The following ZDHHC14 variants were observed in gnomAD, a reference collection of about 807,000 sequenced individuals.
ZDHHC14 encodes palmitoyltransferase ZDHHC14.
Under a neutral mutation model 47.7 loss-of-function variants are expected in ZDHHC14, and 16 were observed. That is an observed-to-expected ratio of 0.34 (90% CI 0.23 to 0.51). The LOEUF (loss-of-function observed/expected upper bound fraction) is 0.51, where lower values mean the gene tolerates loss of function less well. Among genes scored for constraint, ZDHHC14 ranks in the 20% least tolerant of loss-of-function variants. The pLI, the probability that ZDHHC14 is intolerant of heterozygous loss-of-function variation, is 0.97. For missense variants in ZDHHC14, 515 were observed against 662.5 expected, an observed-to-expected ratio of 0.78 and a Z score of 2.44; for synonymous variants, 293 against 278.9, an observed-to-expected ratio of 1.05 and a Z score of -0.50.
intron 1 of ZDHHC14, among the ~76,000 whole-genome samples, chr6:157,493,577 G>A (rs1459595328): frequency 6.6e-6 from 1 of 152,262 alleles, no homozygotes; most frequent in Non-Finnish European, 1.5e-5. Flanking sequence ...CAGGCCCACT[G>A]CTGTGAGAGG....
intron 1 of ZDHHC14, among the ~76,000 whole-genome samples, chr6:157,456,852 A>G (rs930377422): frequency 9.2e-5 from 14 of 152,110 alleles, no homozygotes; most frequent in African/African-American, 3.1e-4. Flanking sequence ...TGCTGGTACA[A>G]AGACTGAGTT....
intron 1 of ZDHHC14, among the ~76,000 whole-genome samples, chr6:157,426,993 A>C (rs1265585877): frequency 6.6e-6 from 1 of 152,200 alleles, no homozygotes; most frequent in African/African-American, 2.4e-5. Flanking sequence ...GGAGAACTTA[A>C]GATAGTGTCT....
intron 1 of ZDHHC14, among the ~76,000 whole-genome samples, chr6:157,537,924 T>C (rs35331876): frequency 0.61 from 92,361 of 152,166 alleles, 29,409 homozygotes; most frequent in African/African-American, 0.82. Context: ...TTCAGGAGGT[T>C]AACATTCACA....
At chr6:157,569,133 C>A (rs1360107565) in intron 2 of ZDHHC14, among the ~76,000 whole-genome samples, 1 of 151,812 alleles carries the variant, frequency 6.6e-6, no homozygotes, top group Non-Finnish European at 1.5e-5. Context: ...GACAAGCCAA[C>A]CTATATAGAA....
chr6:157,451,713 A>G (rs1778807968), intron 1 of ZDHHC14, among the ~76,000 whole-genome samples: 1 of 152,108 alleles, frequency 6.6e-6, no homozygotes, highest in African/African-American at 2.4e-5. Context: ...GGTGCCCACC[A>G]CCACACCTGG....
chr6:157,415,695 T>C (rs1015271913), intron 1 of ZDHHC14, among the ~76,000 whole-genome samples: 8 of 151,944 alleles, frequency 5.3e-5, no homozygotes, highest in Non-Finnish European at 8.8e-5. Flanking sequence ...GCCAACATGG[T>C]GAAACCCCGT....
In ZDHHC14 at chr6:157,676,653, C is replaced by CTT. The variant is rs1209039034; in HGVS notation, c.*3532_*3533dup. 1 of 152,284 alleles carries CTT rather than the reference C, an allele frequency of 6.6e-6. No homozygotes were observed. Among genetic ancestry groups the CTT allele is most frequent in the Non-Finnish European group, 1.5e-5 (1 of 68,068 alleles). The allele number at this position is 152,284 out of a possible 1,614,324, so 9.4% of individuals were successfully genotyped here. A position where few individuals can be genotyped will look rare whatever the true frequency, so the allele number is the denominator to read the frequency against. ...GCAGTAGGTGTCCTTGACACAGGGG[C>CTT]TTCTGATGGCATCGCCCAGAAAATG... On this transcript the variant is annotated 3_prime_UTR_variant, in exon 9 of 9. Coordinates refer to ENST00000359775, the MANE Select transcript of ZDHHC14 (RefSeq NM_024630.3).
At chr6:157,645,069 A>C (rs980755030) in intron 5 of ZDHHC14, among the ~76,000 whole-genome samples, 12 of 152,130 alleles carry the variant, frequency 7.9e-5, no homozygotes, top group African/African-American at 2.9e-4. Flanking sequence ...CTTATAGGTC[A>C]GGGGTTGGCT....
intron 3 of ZDHHC14, among the ~76,000 whole-genome samples, chr6:157,609,516 A>G (rs1299874306): frequency 6.6e-6 from 1 of 152,244 alleles, no homozygotes; most frequent in Non-Finnish European, 1.5e-5. Flanking sequence ...CCGGTGATCT[A>G]CAATTTACAA....
chr6:157,572,609 G>A (rs961433624), intron 2 of ZDHHC14, among the ~76,000 whole-genome samples: 2 of 150,048 alleles, frequency 1.3e-5, no homozygotes, highest in Admixed American at 6.6e-5. Context: ...TCATCATTTA[G>A]CATTAGGTAT....
chr6:157,501,068 A>G (rs1407860196), intron 1 of ZDHHC14, among the ~76,000 whole-genome samples: 1 of 152,240 alleles, frequency 6.6e-6, no homozygotes, highest in Non-Finnish European at 1.5e-5. Context: ...GAATCAGCAC[A>G]GTTAATGGTG....
At chr6:157,460,057 C>CAAAAA (rs35995673) in intron 1 of ZDHHC14, among the ~76,000 whole-genome samples, 2 of 118,230 alleles carry the variant, frequency 1.7e-5, no homozygotes, top group Non-Finnish European at 1.7e-5. Flanking sequence ...ACTAAAAATA[C>CAAAAA]AAAAAAAAAA....
intron 2 of ZDHHC14, among the ~76,000 whole-genome samples, chr6:157,553,379 G>T (rs1782325625): frequency 6.6e-6 from 1 of 152,156 alleles, no homozygotes; most frequent in South Asian, 2.1e-4. Context: ...AGCACTCAGA[G>T]ATGCCTGACT....
At chr6:157,391,189 C>G (rs1777412523) in intron 1 of ZDHHC14, among the ~76,000 whole-genome samples, 3 of 152,148 alleles carry the variant, frequency 2.0e-5, no homozygotes. Context: ...CTTCACAGTC[C>G]AGGACCAGCT....
At chr6:157,551,207 C>T (rs1782216999) in intron 2 of ZDHHC14, among the ~76,000 whole-genome samples, 1 of 152,232 alleles carries the variant, frequency 6.6e-6, no homozygotes, top group South Asian at 2.1e-4. Context: ...CAACAGCTTT[C>T]CGTGTCCCCT....
At chr6:157,445,503 A>G (rs1778647782) in intron 1 of ZDHHC14, among the ~76,000 whole-genome samples, 1 of 152,184 alleles carries the variant, frequency 6.6e-6, no homozygotes, top group African/African-American at 2.4e-5. Context: ...GATACTTTTC[A>G]GGCTTGGGTT....
At chr6:157,640,381 A>G (rs1777192650) in intron 5 of ZDHHC14, among the ~76,000 whole-genome samples, 1 of 152,242 alleles carries the variant, frequency 6.6e-6, no homozygotes, top group African/African-American at 2.4e-5. Flanking sequence ...TGAAAGGCAC[A>G]GTGGCCTAAT....
At chr6:157,406,383 T>G (rs1274674226) in intron 1 of ZDHHC14, among the ~76,000 whole-genome samples, 1 of 152,266 alleles carries the variant, frequency 6.6e-6, no homozygotes, top group Non-Finnish European at 1.5e-5. Context: ...ATTGAGGTTA[T>G]GATGTTGATA....
At chr6:157,512,253 G>A (rs1229170061) in intron 1 of ZDHHC14, among the ~76,000 whole-genome samples, 1 of 152,198 alleles carries the variant, frequency 6.6e-6, no homozygotes, top group African/African-American at 2.4e-5. Context: ...TCCTGGCTCG[G>A]GGTCCATGGC....
Sources: allele counts gnomAD v4.1 joint callset (sites outside exome capture counted in the v4.1 genomes callset), GRCh38; gene constraint gnomAD v4.1.1; transcripts MANE v1.5; gene names NCBI Gene and HGNC (gene_info 2026-07-23, HGNC 2026-07-21).